The following CCPG1 variants were observed in gnomAD, a reference collection of about 807,000 sequenced individuals.
CCPG1 encodes the protein cell cycle progression 1, also known as cell cycle progression protein 1.
In CCPG1, 46 loss-of-function variants were observed where a neutral mutation model predicts 81.3. That is an observed-to-expected ratio of 0.57 (90% CI 0.45 to 0.72). The LOEUF is 0.72. Among genes scored for constraint, CCPG1 ranks in the 30% least tolerant of loss-of-function variants. The pLI, the probability that CCPG1 is intolerant of heterozygous loss-of-function variation, is 0.00. For missense variants in CCPG1, 902 were observed against 937.6 expected, an observed-to-expected ratio of 0.96 and a Z score of 0.50; for synonymous variants, 330 against 305.2, an observed-to-expected ratio of 1.08 and a Z score of -0.85.
At chr15:55,408,003 C>G (rs2057271162) in intron 1 of CCPG1, 1 of 152,342 alleles carries the variant, frequency 6.6e-6, no homozygotes, top group Non-Finnish European at 1.5e-5. Context: ...CCGGACGCCC[C>G]AGGGTCGGCT....
intron 1 of CCPG1, chr15:55,399,832 G>A (rs974873018): frequency 6.6e-6 from 1 of 152,106 alleles, no homozygotes; most frequent in Admixed American, 6.5e-5. Context: ...GTTGGCTCAC[G>A]TCTGTAATTC....
Position 55,355,892 on chromosome 15 carries a change from A to G in CCPG1, c.*328T>C, listed in dbSNP as rs2056068764. ...ACATCAGTGTTAATTACACTTTGTCATGTATGACTGAGCTTGCTTTAAGCT... is the reference window on the plus strand; with the variant it reads ...ACATCAGTGTTAATTACACTTTGTCGTGTATGACTGAGCTTGCTTTAAGCT... On this transcript the variant is annotated 3_prime_UTR_variant, in exon 9 of 9. Coordinates refer to ENST00000442196, the MANE Select transcript of CCPG1 (RefSeq NM_001204450.2). 1.6e-5 allele frequency: 5 copies of G among 316,556 alleles called. No homozygotes were observed. The highest frequency in any genetic ancestry group is 1.0e-4 in the South Asian group (2 of 19,506). 19.6% of individuals were successfully genotyped at this position (316,556 alleles called of 1,614,324 possible). A position where few individuals can be genotyped will look rare whatever the true frequency, so the allele number is the denominator to read the frequency against.
chr15:55,367,465 T>C (rs1031844860), intron 6 of CCPG1, among the ~76,000 whole-genome samples: 6 of 152,170 alleles, frequency 3.9e-5, no homozygotes, highest in African/African-American at 1.4e-4. Flanking sequence ...TTTGGCCTAG[T>C]CATGTCTACA....
chr15:55,358,302 TC>T, intron 8 of CCPG1: 1 of 837,592 alleles, frequency 1.2e-6, no homozygotes, highest in Non-Finnish European at 1.4e-6. Context: ...TTATGTTCTA[TC>T]CCTGGTTTCC....
chr15:55,390,916 T>G lies in CCPG1; in HGVS notation c.-9-1483A>C, dbSNP rs149815330. ...ACCTGAGGTCATCTAATTGTTTTAT[T>G]TCTAATTTCAATTAAGGCCCAGGCA... On this transcript the variant is annotated intron_variant, in intron 1 of 8. Transcript: ENST00000442196. 1.5e-3 allele frequency among the ~76,000 whole-genome samples: 234 copies of G among 152,304 alleles called. 2 individuals are homozygous for G. Among genetic ancestry groups the G allele is most frequent in the African/African-American group, 5.5e-3 (227 of 41,578 alleles).
At chr15:55,404,773 T>TA (rs2057185516) in intron 1 of CCPG1, among the ~76,000 whole-genome samples, 1 of 152,026 alleles carries the variant, frequency 6.6e-6, no homozygotes, top group African/African-American at 2.4e-5. Flanking sequence ...TGCCTCTACA[T>TA]AAAATTTTAA....
rs1044329795 is a variant in CCPG1 at position 55,363,388 on chromosome 15, A to G, written c.828+1800T>C. Among the ~76,000 whole-genome samples the G allele has an allele frequency of 3.0e-4, 42 of 139,488 alleles. 1 individual carries two copies. Among genetic ancestry groups the G allele is most frequent in the African/African-American group, 9.8e-4 (39 of 39,754 alleles). 91.5% of individuals were successfully genotyped at this position (139,488 alleles called of 152,430 possible). ...CAAAACAAAAAAAAAACCCAAACCCAAACCAAACTACAAACTCTCTCTAGA... is the reference window on the plus strand; with the variant it reads ...CAAAACAAAAAAAAAACCCAAACCCGAACCAAACTACAAACTCTCTCTAGA... On this transcript the variant is annotated intron_variant, in intron 7 of 8. Transcript: ENST00000442196.
chr15:55,383,924 C>T (rs58220352), intron 3 of CCPG1, among the ~76,000 whole-genome samples: 2 of 152,106 alleles, frequency 1.3e-5, no homozygotes, highest in Non-Finnish European at 2.9e-5. Context: ...GCTTCCTTAT[C>T]ATTCATGTGT....
intron 1 of CCPG1, among the ~76,000 whole-genome samples, chr15:55,397,222 AC>A (rs2057036833): frequency 1.5e-5 from 2 of 133,310 alleles, no homozygotes; most frequent in Non-Finnish European, 3.6e-5. Flanking sequence ...TCAAAAAAAA[AC>A]AAACAAAAAA....
Position 55,380,447 on chromosome 15 carries a change from C to T in CCPG1, c.176-2071G>A, listed in dbSNP as rs993062926. 1.1e-4 allele frequency among the ~76,000 whole-genome samples: 16 copies of T among 151,712 alleles called. 1 individual carries two copies. The highest frequency in any genetic ancestry group is 7.2e-4 in the Admixed American group (11 of 15,258). On this transcript the variant is annotated intron_variant, in intron 3 of 8. Coordinates refer to ENST00000442196, the MANE Select transcript of CCPG1 (RefSeq NM_001204450.2). Reference sequence around the variant, plus strand: ...AGTAGCTGGGACTACAGGCGCCCACCACCACGCCCGGCTAATTTTTTGTAT... The same window carrying T: ...AGTAGCTGGGACTACAGGCGCCCACTACCACGCCCGGCTAATTTTTTGTAT...
intron 3 of CCPG1, among the ~76,000 whole-genome samples, chr15:55,380,790 A>G (rs1313752303): frequency 6.6e-6 from 1 of 151,802 alleles, no homozygotes; most frequent in African/African-American, 2.4e-5. Context: ...TGAGGCAGGC[A>G]GACCACGAGG....
intron 6 of CCPG1, among the ~76,000 whole-genome samples, chr15:55,367,614 G>A (rs2056357763): frequency 2.4e-5 from 1 of 41,746 alleles, no homozygotes; most frequent in South Asian, 1.4e-3. Flanking sequence ...GGGCCTGTTT[G>A]TAGGGTGGAA....
At chr15:55,393,114 AAATT>A (rs1307956484) in intron 1 of CCPG1, among the ~76,000 whole-genome samples, 2 of 151,840 alleles carry the variant, frequency 1.3e-5, no homozygotes, top group African/African-American at 2.4e-5. Context: ...CAAAATAAAT[AAATT>A]AATTAATTAA....
At position 55,371,967 on chromosome 15, in the gene CCPG1, G is replaced by A. The variant is rs374529704; in HGVS notation, c.532C>T (p.Arg178Cys). The change falls in exon 6 of 9, where the codon CGC becomes TGC. Residue 178 changes from arginine to cysteine, a missense_variant. Physicochemically the swap from Arg to Cys is radical, Grantham distance 180. This residue lies in a region of CCPG1 where 746 missense variants were observed against 728.6 expected (regional missense o/e 1.02). Coordinates refer to ENST00000442196, the MANE Select transcript of CCPG1 (RefSeq NM_001204450.2). Reference sequence around the variant, plus strand: ...GAAACGGTCTTCTTCCTAGCACGGCGTCGTCTAAAGGCAGGACTGGGCTGA... The same window carrying A: ...GAAACGGTCTTCTTCCTAGCACGGCATCGTCTAAAGGCAGGACTGGGCTGA... ...SNQPSPAFRRRRARKKTVSAS... is the reference protein window; with the variant it reads ...SNQPSPAFRRCRARKKTVSAS... 27 of 1,614,060 alleles carry A rather than the reference G, an allele frequency of 1.7e-5. No homozygotes were observed. In the South Asian group the frequency reaches 2.5e-4, roughly 15 times the overall value.
chr15:55,376,828 T>C, intron 5 of CCPG1, 121 bp downstream of exon 5: 1 of 688,356 alleles, frequency 1.5e-6, no homozygotes, highest in African/African-American at 1.8e-5. Flanking sequence ...AAAATAGTCT[T>C]GTCTTGAGTT....
chr15:55,383,625 G>C (rs1199986802), intron 3 of CCPG1, among the ~76,000 whole-genome samples: 1 of 152,208 alleles, frequency 6.6e-6, no homozygotes, highest in Non-Finnish European at 1.5e-5. Context: ...CATTATCTCA[G>C]TTAGATCTCC....
intron 1 of CCPG1, among the ~76,000 whole-genome samples, chr15:55,395,511 C>G (rs951102686): frequency 6.6e-6 from 1 of 152,036 alleles, no homozygotes; most frequent in Non-Finnish European, 1.5e-5. Flanking sequence ...AATTCATTCC[C>G]GCTTTGCCCA....
intron 4 of CCPG1, 100 bp downstream of exon 4, chr15:55,378,200 T>C (rs1441923989): frequency 2.9e-6 from 2 of 679,584 alleles, no homozygotes; most frequent in Non-Finnish European, 4.7e-6. Flanking sequence ...TTGCTTATAA[T>C]TCAAAATAGG....
intron 1 of CCPG1, among the ~76,000 whole-genome samples, chr15:55,391,499 T>C (rs1201864573): frequency 6.6e-6 from 1 of 152,194 alleles, no homozygotes; most frequent in Non-Finnish European, 1.5e-5. Context: ...TCAATGTCTA[T>C]TTGTATGAGA....
Sources: allele counts gnomAD v4.1 joint callset (sites outside exome capture counted in the v4.1 genomes callset), GRCh38; gene constraint gnomAD v4.1.1; regional missense constraint gnomAD v4.1.1; transcripts MANE v1.5; gene names NCBI Gene and HGNC (gene_info 2026-07-23, HGNC 2026-07-21).